Variants in TMEM260 observed in about 807,000 individuals in gnomAD.
TMEM260 encodes the protein transmembrane protein 260, also known as protein O-mannosyl-transferase TMEM260.
Under a neutral mutation model 88.9 loss-of-function variants are expected in TMEM260, and 82 were observed. That is an observed-to-expected ratio of 0.92 (90% CI 0.77 to 1.11). The LOEUF (loss-of-function observed/expected upper bound fraction) is 1.11, where lower values mean the gene tolerates loss of function less well. Ranked by LOEUF, TMEM260 falls within the 50% of genes least tolerant of loss-of-function variation. The probability of loss-of-function intolerance (pLI) is 0.00; values close to 1 mark genes in which losing one functional copy is unlikely to be tolerated. For synonymous variants in TMEM260, 314 were observed against 309.3 expected, an observed-to-expected ratio of 1.02 and a Z score of -0.16; for missense variants, 902 against 853.4, an observed-to-expected ratio of 1.06 and a Z score of -0.71.
chr14:56,611,121 C>A (rs535478576), intron 6 of TMEM260, among the ~76,000 whole-genome samples: 3 of 152,086 alleles, frequency 2.0e-5, no homozygotes, highest in Admixed American at 2.0e-4. Flanking sequence ...CATGCACCAC[C>A]ATGCCCGGCT....
intron 12 of TMEM260, among the ~76,000 whole-genome samples, chr14:56,627,475 T>C (rs1040301077): frequency 6.6e-6 from 1 of 152,144 alleles, no homozygotes; most frequent in African/African-American, 2.4e-5. Flanking sequence ...ATAAAACTAT[T>C]AGGAGATATT....
chr14:56,593,677 CTTTTTTTTTT>C (rs34268894), intron 3 of TMEM260, among the ~76,000 whole-genome samples: 7 of 63,506 alleles, frequency 1.1e-4, no homozygotes, highest in Non-Finnish European at 2.1e-4. Context: ...AGGTGAGTGT[CTTTTTTTTTT>C]TTTTTTTTTT....
At chr14:56,651,283 A>G (rs1044207874), downstream of TMEM260, among the ~76,000 whole-genome samples, 7 of 152,092 alleles carry the variant, frequency 4.6e-5, 1 homozygote, top group East Asian at 1.4e-3. Context: ...ACTCAGCTAT[A>G]GAAAATTAAA....
intron 15 of TMEM260, among the ~76,000 whole-genome samples, chr14:56,642,038 G>A (rs1353209085): frequency 6.6e-6 from 1 of 152,186 alleles, no homozygotes; most frequent in Non-Finnish European, 1.5e-5. Flanking sequence ...AAGAGACTTA[G>A]ACTCCCACAC....
intron 5 of TMEM260, among the ~76,000 whole-genome samples, chr14:56,607,318 A>G (rs1886974211): frequency 6.6e-6 from 1 of 152,192 alleles, no homozygotes; most frequent in Non-Finnish European, 1.5e-5. Context: ...GGAGAGGCAT[A>G]TACTTTCTGT....
chr14:56,647,362 G>A lies in TMEM260; in HGVS notation c.1989G>A (p.Leu663=). Residue 663 remains leucine (L), a synonymous_variant, in exon 16 of 16, where the codon CTG becomes CTA. Coordinates refer to ENST00000261556, the MANE Select transcript of TMEM260 (RefSeq NM_017799.4). Reference sequence around the variant, plus strand: ...CAAGAGATGCAGATCCTGAAGTGCTGTTATCGGAAACCATCAGACATTTCC... The same window carrying A: ...CAAGAGATGCAGATCCTGAAGTGCTATTATCGGAAACCATCAGACATTTCC... ...LQARDADPEV[L]LSETIRHFRL... is the part of the protein sequence containing the mutation. 1 of 1,614,202 alleles carries A rather than the reference G, an allele frequency of 6.2e-7. No homozygotes were observed. Among genetic ancestry groups the A allele is most frequent in the Non-Finnish European group, 8.5e-7 (1 of 1,180,042 alleles).
In TMEM260 at chr14:56,625,408, C is replaced by G. The variant is rs1346927459; in HGVS notation, c.1425C>G (p.Pro475=). ...TGATGACTTACGAGTGGTATTTACC[C>G]AAGATGGCAAAGCACTTGCCAGGTG... ...QEMMTYEWYL[P]KMAKHLPGVN... is the part of the protein sequence containing the mutation. Residue 475 remains proline, a synonymous_variant, in exon 12 of 16, where the codon CCC becomes CCG. Transcript: ENST00000261556. 1.2e-6 allele frequency: 2 copies of G among 1,613,770 alleles called. No individual in the cohort carries two copies. The highest frequency in any genetic ancestry group is 2.2e-5 in the South Asian group (2 of 90,942).
At chr14:56,662,844 A>T in the TMEM260 span, among the ~76,000 whole-genome samples, 3 of 152,228 alleles carry the variant, frequency 2.0e-5, no homozygotes, top group East Asian at 5.8e-4. Context: ...AGGCAGTTGC[A>T]TTGGCCGGGC....
At chr14:56,658,198 C>T in the TMEM260 span, among the ~76,000 whole-genome samples, 5 of 152,120 alleles carry the variant, frequency 3.3e-5, no homozygotes, top group African/African-American at 1.2e-4. Flanking sequence ...TGAAGGGAAT[C>T]ATTGCTTCTG....
chr14:56,612,855 C>T (rs1887371862), intron 7 of TMEM260: 1 of 152,030 alleles, frequency 6.6e-6, no homozygotes, highest in Non-Finnish European at 1.5e-5. Flanking sequence ...TATTAGAATA[C>T]TATATAGAGC....
Position 56,647,567 on chromosome 14 carries a change from C to A in TMEM260, c.*70C>A. 1 of 1,500,384 alleles carries A rather than the reference C, an allele frequency of 6.7e-7. No individual in the cohort carries two copies. The allele number at this position is 1,500,384 out of a possible 1,614,324, so 92.9% of individuals were successfully genotyped here. A position where few individuals can be genotyped will look rare whatever the true frequency, so the allele number is the denominator to read the frequency against. On this transcript the variant is annotated 3_prime_UTR_variant, in exon 16 of 16. Coordinates refer to ENST00000261556, the MANE Select transcript of TMEM260 (RefSeq NM_017799.4). ...TTCTGAAGTCTGGAAGTTTTTCCTT[C>A]AAGAAAAGAAACTGCATAAAAAATT...
At chr14:56,637,608 G>A (rs1260970261) in intron 15 of TMEM260, among the ~76,000 whole-genome samples, 1 of 152,198 alleles carries the variant, frequency 6.6e-6, no homozygotes. Flanking sequence ...TGAAAACAGA[G>A]GGTAGGACCT....
chr14:56,647,517 C>G lies in TMEM260; in HGVS notation c.*20C>G, dbSNP rs774307167. 3.8e-6 allele frequency: 6 copies of G among 1,564,830 alleles called. No individual in the cohort carries two copies. Among genetic ancestry groups the G allele is most frequent in the Non-Finnish European group, 5.2e-6 (6 of 1,160,266 alleles). On this transcript the variant is annotated 3_prime_UTR_variant, in exon 16 of 16. Coordinates refer to ENST00000261556, the MANE Select transcript of TMEM260 (RefSeq NM_017799.4). ...GTCTGAGACAGCAAAATATGAAAAA[C>G]CTGCTCATCGTTCAGCTTCCAAAAT...
Position 56,633,371 on chromosome 14 carries a change from G to A in TMEM260, c.1724+200G>A, listed in dbSNP as rs1439816736. ...TCCTACTTACAGAACAATGGGGAGA[G>A]AGGAGGGAAGAGGGTGCTGGTTGTG... On this transcript the variant is annotated intron_variant, in intron 13 of 15. Transcript: ENST00000261556. 1.1e-5 allele frequency: 5 copies of A among 438,428 alleles called. No homozygotes were observed. In the East Asian group the frequency reaches 2.0e-4, roughly 18 times the overall value. 27.2% of individuals were successfully genotyped at this position (438,428 alleles called of 1,614,324 possible).
chr14:56,656,131 T>A, the TMEM260 span, among the ~76,000 whole-genome samples: 1 of 152,282 alleles, frequency 6.6e-6, no homozygotes, highest in East Asian at 1.9e-4. Context: ...TAAAGTTCTG[T>A]GTGGGCCAAG....
At chr14:56,651,536 C>A (rs561313826), downstream of TMEM260, among the ~76,000 whole-genome samples, 2 of 152,198 alleles carry the variant, frequency 1.3e-5, no homozygotes, top group South Asian at 4.1e-4. Flanking sequence ...TGCTGCAGAT[C>A]CAAAGTTAGA....
intron 12 of TMEM260, among the ~76,000 whole-genome samples, chr14:56,626,933 A>G (rs918331062): frequency 1.3e-5 from 2 of 152,268 alleles, no homozygotes; most frequent in South Asian, 4.1e-4. Context: ...AAACATACAC[A>G]TATTCATACA....
At chr14:56,616,223 G>T in intron 8 of TMEM260, 196 bp downstream of exon 8, 2 of 499,778 alleles carry the variant, frequency 4.0e-6, no homozygotes, top group Admixed American at 3.5e-5. Flanking sequence ...TCAAGAAATT[G>T]AGCATTATAT....
chr14:56,586,461 T>C (rs116100708), intron 3 of TMEM260, among the ~76,000 whole-genome samples: 2,649 of 152,230 alleles, frequency 0.017, 74 homozygotes, highest in African/African-American at 0.06. Context: ...AAGTAATTCA[T>C]TGATAGAAGA....
Sources: allele counts gnomAD v4.1 joint callset (sites outside exome capture counted in the v4.1 genomes callset), GRCh38; gene constraint gnomAD v4.1.1; transcripts MANE v1.5; gene names NCBI Gene and HGNC (gene_info 2026-07-23, HGNC 2026-07-21).